MAN1A2: variants seen among roughly 807,000 people sequenced by gnomAD.
MAN1A2 encodes the protein mannosidase alpha class 1A member 2.
A neutral mutation model predicts 75.7 loss-of-function variants in MAN1A2; 26 were observed. The observed-to-expected ratio is 0.34, with a 90% CI of 0.25 to 0.48. MAN1A2 has a LOEUF of 0.48. Among genes scored for constraint, MAN1A2 ranks in the 20% least tolerant of loss-of-function variants. The probability of loss-of-function intolerance (pLI) is 0.99; values close to 1 mark genes in which losing one functional copy is unlikely to be tolerated. For missense variants in MAN1A2, 562 were observed against 775.5 expected (o/e 0.72, Z 3.27); for synonymous variants, 247 against 264.6 (o/e 0.93, Z 0.65).
In MAN1A2 at chr1:117,426,627, T is replaced by G. The variant is rs148227032; in HGVS notation, c.855+5978T>G. On this transcript the variant is annotated intron_variant, in intron 5 of 12. Transcript: ENST00000356554. ...TAACAAAGCCCAGTTTATAGTAAAG[T>G]GTTGAATAGCTCGTGTAATTTATTG... 7.0e-3 allele frequency among the ~76,000 whole-genome samples: 1,065 copies of G among 152,206 alleles called. 8 individuals carry two copies. Among genetic ancestry groups the G allele is most frequent in the Non-Finnish European group, 0.01 (710 of 67,962 alleles).
intron 1 of MAN1A2, among the ~76,000 whole-genome samples, chr1:117,383,297 C>A (rs899794931): frequency 6.6e-6 from 1 of 152,166 alleles, no homozygotes; most frequent in African/African-American, 2.4e-5. Flanking sequence ...ACCATCCTTG[C>A]ATTTCTGGGA....
chr1:117,455,538 G>A (rs1649551059), intron 6 of MAN1A2, among the ~76,000 whole-genome samples: 1 of 152,052 alleles, frequency 6.6e-6, no homozygotes, highest in Non-Finnish European at 1.5e-5. Context: ...CCTACACTTG[G>A]CTGAGGGGCT....
At chr1:117,477,261 A>C (rs951891048) in intron 8 of MAN1A2, among the ~76,000 whole-genome samples, 4 of 152,016 alleles carry the variant, frequency 2.6e-5, no homozygotes, top group African/African-American at 9.7e-5. Context: ...GTAGAAAAAG[A>C]GGGAAATCCT....
intron 3 of MAN1A2, among the ~76,000 whole-genome samples, chr1:117,410,864 C>G (rs1207440884): frequency 6.6e-6 from 1 of 151,534 alleles, no homozygotes; most frequent in South Asian, 2.1e-4. Flanking sequence ...GCAGTAGTAT[C>G]AAAAAATAAG....
rs568825207 is a variant in MAN1A2, at chr1:117,460,431, C to T, written c.951-58C>T. ...ATTTAAAATTTACATATTCATTAAA[C>T]GAATGTTTTGGTCTTTTCCCAATCC... On this transcript the variant is annotated intron_variant, in intron 6 of 12. Transcript: ENST00000356554. 185 of 1,245,310 alleles carry T rather than the reference C, an allele frequency of 1.5e-4. No individual in the cohort carries two copies. The African/African-American group carries it at 2.3e-3, about 16-fold the overall frequency. The allele number at this position is 1,245,310 out of a possible 1,614,324, so 77.1% of individuals were successfully genotyped here. A position where few individuals can be genotyped will look rare whatever the true frequency, so the allele number is the denominator to read the frequency against.
chr1:117,522,302 T>G (rs1387830403), intron 12 of MAN1A2, among the ~76,000 whole-genome samples: 2 of 151,880 alleles, frequency 1.3e-5, no homozygotes, highest in African/African-American at 4.8e-5. Flanking sequence ...ATGTTATGAC[T>G]AAATGGGTTT....
At position 117,525,167 on chromosome 1, in the gene MAN1A2, G is replaced by A. The variant is rs1651975557; in HGVS notation, c.*2210G>A. 1.9e-6 allele frequency: 1 copy of A among 521,892 alleles called. No individual in the cohort carries two copies. Among genetic ancestry groups the A allele is most frequent in the Admixed American group, 2.0e-5 (1 of 50,062 alleles). The allele number at this position is 521,892 out of a possible 1,614,324, so 32.3% of individuals were successfully genotyped here. A position where few individuals can be genotyped will look rare whatever the true frequency, so the allele number is the denominator to read the frequency against. On this transcript the variant is annotated 3_prime_UTR_variant, in exon 13 of 13. Coordinates refer to ENST00000356554, the MANE Select transcript of MAN1A2 (RefSeq NM_006699.5). ...TATTACCCAGATGACTGAAGCTTAA[G>A]AGAAGGCAGGGAAGTATACAAGCAG...
chr1:117,395,761 G>A (rs942731055), intron 1 of MAN1A2, among the ~76,000 whole-genome samples: 1 of 152,156 alleles, frequency 6.6e-6, no homozygotes, highest in African/African-American at 2.4e-5. Context: ...CAGCCAAACT[G>A]CAAAGTTTGA....
intron 1 of MAN1A2, among the ~76,000 whole-genome samples, chr1:117,397,723 C>T (rs182966303): frequency 1.8e-4 from 25 of 141,058 alleles, no homozygotes; most frequent in Non-Finnish European, 2.6e-4. Context: ...ACGATCTCAG[C>T]TTAGTGAAAC....
At chr1:117,376,669 A>C (rs1012458237) in intron 1 of MAN1A2, among the ~76,000 whole-genome samples, 4 of 152,194 alleles carry the variant, frequency 2.6e-5, no homozygotes, top group Non-Finnish European at 4.4e-5. Flanking sequence ...AATTCCTAAC[A>C]TTGTGTGAAG....
chr1:117,453,274 A>G (rs1649479566), intron 6 of MAN1A2, among the ~76,000 whole-genome samples: 1 of 152,222 alleles, frequency 6.6e-6, no homozygotes. Flanking sequence ...TATTTAAAGA[A>G]TGAATTTTGT....
At chr1:117,471,048 T>G (rs1452498916) in intron 8 of MAN1A2, among the ~76,000 whole-genome samples, 3 of 151,762 alleles carry the variant, frequency 2.0e-5, no homozygotes, top group African/African-American at 4.8e-5. Context: ...ACTTTTTTTT[T>G]TGCTAGTTTT....
At chr1:117,482,678 C>G (rs1190840588) in intron 8 of MAN1A2, among the ~76,000 whole-genome samples, 1 of 151,978 alleles carries the variant, frequency 6.6e-6, no homozygotes, top group Non-Finnish European at 1.5e-5. Flanking sequence ...ACTTTTCTCT[C>G]ATTCTGTAGG....
chr1:117,385,269 A>G (rs1364845345), intron 1 of MAN1A2, among the ~76,000 whole-genome samples: 2 of 152,170 alleles, frequency 1.3e-5, no homozygotes, highest in Non-Finnish European at 2.9e-5. Flanking sequence ...AACAGAGACA[A>G]GCTCTCTTCA....
intron 2 of MAN1A2, among the ~76,000 whole-genome samples, chr1:117,403,209 T>C (rs1055366550): frequency 5.3e-5 from 8 of 152,192 alleles, no homozygotes; most frequent in Admixed American, 1.3e-4. Flanking sequence ...ATAAATTTAG[T>C]TCAAGTAATC....
At chr1:117,385,784 T>C (rs1411399753) in intron 1 of MAN1A2, among the ~76,000 whole-genome samples, 4 of 152,186 alleles carry the variant, frequency 2.6e-5, no homozygotes, top group Admixed American at 6.5e-5. Flanking sequence ...AAGGTATTTA[T>C]TGGAAGGTTA....
chr1:117,465,764 T>G (rs1369953448), intron 7 of MAN1A2, among the ~76,000 whole-genome samples: 1 of 152,134 alleles, frequency 6.6e-6, no homozygotes, highest in African/African-American at 2.4e-5. Context: ...TCTTAATATA[T>G]TTCATGATTT....
intron 10 of MAN1A2, among the ~76,000 whole-genome samples, chr1:117,498,305 A>T (rs1651097071): frequency 6.6e-6 from 1 of 151,880 alleles, no homozygotes; most frequent in South Asian, 2.1e-4. Context: ...GAGAATAAGG[A>T]TTGTTATTTT....
At chr1:117,368,532 G>C in intron 1 of MAN1A2, 47 bp downstream of exon 1, 2 of 1,494,204 alleles carry the variant, frequency 1.3e-6, no homozygotes, top group South Asian at 1.3e-5. Context: ...GCAGAGCAAG[G>C]TACGGTGATT....
Sources: allele counts gnomAD v4.1 joint callset (sites outside exome capture counted in the v4.1 genomes callset), GRCh38; gene constraint gnomAD v4.1.1; transcripts MANE v1.5; gene names NCBI Gene and HGNC (gene_info 2026-07-23, HGNC 2026-07-21).